Variants in HNRNPLL observed in about 807,000 individuals in gnomAD.
HNRNPLL encodes heterogeneous nuclear ribonucleoprotein L like.
Under a neutral mutation model 67.1 loss-of-function variants are expected in HNRNPLL, and 25 were observed. The ratio of observed to expected loss-of-function variants is 0.37; its 90% CI spans 0.27 to 0.52. The LOEUF (loss-of-function observed/expected upper bound fraction) is 0.52. HNRNPLL is among the 20% of genes least tolerant of loss of function. The pLI is 0.90. For missense variants in HNRNPLL, 542 were observed against 673.9 expected (o/e 0.80, Z 2.17); for synonymous variants, 267 against 241.7 (o/e 1.10, Z -0.97).
At chr2:38,571,936 CAT>C (rs1666101650) in intron 8 of HNRNPLL, among the ~76,000 whole-genome samples, 1 of 152,086 alleles carries the variant, frequency 6.6e-6, no homozygotes, top group South Asian at 2.1e-4. Flanking sequence ...ACACAAAAGA[CAT>C]AGATCTACTA....
At chr2:38,567,198 G>A (rs146807955) in intron 12 of HNRNPLL, among the ~76,000 whole-genome samples, 2,073 of 152,256 alleles carry the variant, frequency 0.014, 33 homozygotes, top group Non-Finnish European at 0.021. Context: ...CACCTCCCAG[G>A]TTCAAGCAAT....
intron 9 of HNRNPLL, 79 bp from the exon 10 acceptor site, chr2:38,569,413 T>C: frequency 1.9e-6 from 2 of 1,027,406 alleles, no homozygotes; most frequent in Admixed American, 2.2e-5. Context: ...TGCTAATATA[T>C]TTTGCTTGCA....
intron 1 of HNRNPLL, chr2:38,599,941 T>C (rs984294930): frequency 2.1e-6 from 1 of 470,358 alleles, no homozygotes; most frequent in Admixed American, 2.4e-5. Flanking sequence ...ATTTCTTCTC[T>C]GGGCTGAAGG....
chr2:38,586,079 T>A (rs563935367), intron 2 of HNRNPLL, among the ~76,000 whole-genome samples, 198 bp from the exon 3 acceptor site: 1 of 151,902 alleles, frequency 6.6e-6, no homozygotes, highest in African/African-American at 2.4e-5. Context: ...TGGAGTGCAG[T>A]GGCGCAATCT....
At chr2:38,581,677 C>G (rs976877510) in intron 6 of HNRNPLL, 11 of 531,482 alleles carry the variant, frequency 2.1e-5, no homozygotes, top group Admixed American at 7.1e-5. Context: ...GAACTGCGGG[C>G]GTGCCTGAAT....
chr2:38,576,897 T>C (rs1279095866), intron 7 of HNRNPLL, among the ~76,000 whole-genome samples: 2 of 151,924 alleles, frequency 1.3e-5, no homozygotes, highest in African/African-American at 2.4e-5. Flanking sequence ...CCTAATTTTT[T>C]CCTGGGGCAG....
rs1376426310 is a variant in HNRNPLL, at chr2:38,602,439, G to T, written c.188C>A (p.Pro63Gln). ...GACAGGGGGGCCGCGCTTTGTTACC[G>T]GCTGAGAGAAGCTCCGGCCGCCGCC... Reference protein sequence around the residue: ...GGGGGRSFSQPEAGGSHHKVS... With the variant: ...GGGGGRSFSQQEAGGSHHKVS... The change falls in exon 1 of 13, where the codon CCG becomes CAG. Residue 63 changes from proline (P) to glutamine (Q), a missense_variant and splice_region_variant. Pro to Gln is a moderately conservative substitution (Grantham distance 76, BLOSUM62 -1). Transcript: ENST00000449105. 6.5e-7 allele frequency: 1 copy of T among 1,540,330 alleles called. No individual in the cohort carries two copies. Among genetic ancestry groups the T allele is most frequent in the Non-Finnish European group, 8.7e-7 (1 of 1,149,926 alleles).
intron 1 of HNRNPLL, among the ~76,000 whole-genome samples, chr2:38,601,368 G>T (rs1170903979): frequency 6.6e-6 from 1 of 152,118 alleles, no homozygotes; most frequent in African/African-American, 2.4e-5. Context: ...TTTTTAAAAG[G>T]TAAGGTAAAA....
chr2:38,573,641 G>A (rs1469847980), intron 7 of HNRNPLL, among the ~76,000 whole-genome samples: 1 of 151,766 alleles, frequency 6.6e-6, no homozygotes, highest in African/African-American at 2.4e-5. Flanking sequence ...AATATATATT[G>A]ACCTATACCT....
chr2:38,595,272 TAA>T (rs70954734), intron 1 of HNRNPLL, among the ~76,000 whole-genome samples: 7,738 of 68,428 alleles, frequency 0.11, 699 homozygotes, highest in African/African-American at 0.3. Flanking sequence ...AGACCTTGTC[TAA>T]AAAAAAAAAA....
chr2:38,593,832 C>CA (rs1346016237), intron 1 of HNRNPLL, among the ~76,000 whole-genome samples: 1 of 148,316 alleles, frequency 6.7e-6, no homozygotes, highest in African/African-American at 2.5e-5. Context: ...CACTGCACTC[C>CA]AGACTGGGCG....
intron 1 of HNRNPLL, among the ~76,000 whole-genome samples, chr2:38,598,687 T>C (rs1667307875): frequency 6.6e-6 from 1 of 152,206 alleles, no homozygotes; most frequent in South Asian, 2.1e-4. Flanking sequence ...AGAGGTTAAG[T>C]GAAAAAGTTT....
At chr2:38,582,484 A>G (rs13420480) in intron 4 of HNRNPLL, among the ~76,000 whole-genome samples, 1 of 151,868 alleles carries the variant, frequency 6.6e-6, no homozygotes, top group Non-Finnish European at 1.5e-5. Flanking sequence ...CTAATTTTTA[A>G]TTTTTTTAGT....
rs1328725452 is a variant in HNRNPLL, at chr2:38,563,314, TA to T, written c.*867del. 6.6e-6 allele frequency: 1 copy of T among 152,074 alleles called. No individual in the cohort carries two copies. Among genetic ancestry groups the T allele is most frequent in the African/African-American group, 2.4e-5 (1 of 41,440 alleles). 9.4% of individuals were successfully genotyped at this position (152,074 alleles called of 1,614,324 possible). On this transcript the variant is annotated 3_prime_UTR_variant, in exon 13 of 13. Coordinates refer to ENST00000449105, the MANE Select transcript of HNRNPLL (RefSeq NM_138394.4). Reference sequence around the variant, plus strand: ...ACATATTACTGATGGATCCAAGAGTTAAAAAATAAAAATGTAAATATCCAAA... The same window carrying T: ...ACATATTACTGATGGATCCAAGAGTTAAAAATAAAAATGTAAATATCCAAA...
intron 12 of HNRNPLL, 129 bp downstream of exon 12, chr2:38,568,070 C>T (rs1200701359): frequency 3.3e-6 from 2 of 604,470 alleles, no homozygotes; most frequent in Non-Finnish European, 5.7e-6. Flanking sequence ...AATTAATATG[C>T]CTTTCTTTTT....
intron 2 of HNRNPLL, 131 bp downstream of exon 2, chr2:38,591,399 C>A: frequency 1.5e-6 from 1 of 661,478 alleles, no homozygotes. Flanking sequence ...CAGTCATAGG[C>A]AAACAATAGA....
Position 38,568,418 on chromosome 2 carries a change from G to GT in HNRNPLL, c.1441dup (p.Thr481AsnfsTer6). ...ATCAAACACTTTATATTTGATGAAT[G>GT]TAAGAACTTCATGGTCATTACACAA... is the stretch of plus-strand genomic sequence containing the variant. On this transcript the variant is annotated frameshift_variant, in exon 11 of 13. Coordinates refer to ENST00000449105, the MANE Select transcript of HNRNPLL (RefSeq NM_138394.4). LOFTEE classifies it high-confidence loss of function. The GT allele has an allele frequency of 6.2e-7, 1 of 1,607,152 alleles. No individual in the cohort carries two copies. The highest frequency in any genetic ancestry group is 8.5e-7 in the Non-Finnish European group (1 of 1,174,920).
intron 1 of HNRNPLL, chr2:38,601,922 C>G (rs1303036006): frequency 6.5e-6 from 1 of 153,302 alleles, no homozygotes; most frequent in African/African-American, 2.4e-5. Context: ...TTCAAGGGAA[C>G]TAGCATGTGA....
chr2:38,602,726 TCTG>T lies in HNRNPLL; in HGVS notation c.-103_-101del. 1 of 1,470,672 alleles carries T rather than the reference TCTG, an allele frequency of 6.8e-7. No homozygotes were observed. The highest frequency in any genetic ancestry group is 9.0e-7 in the Non-Finnish European group (1 of 1,111,364). The allele number at this position is 1,470,672 out of a possible 1,614,324, so 91.1% of individuals were successfully genotyped here. ...AGTCCTCGCCGCCGGCAGCGCCTCTTCTGCGAGGGTCTCCGCGGCCCGGCCGTC... is the reference window on the plus strand; with the variant it reads ...AGTCCTCGCCGCCGGCAGCGCCTCTTCGAGGGTCTCCGCGGCCCGGCCGTC... On this transcript the variant is annotated 5_prime_UTR_variant, in exon 1 of 13. Transcript: ENST00000449105.
Sources: allele counts gnomAD v4.1 joint callset (sites outside exome capture counted in the v4.1 genomes callset), GRCh38; gene constraint gnomAD v4.1.1; transcripts MANE v1.5; gene names NCBI Gene and HGNC (gene_info 2026-07-23, HGNC 2026-07-21).